The following SGCZ variants were observed in gnomAD, a reference collection of about 807,000 sequenced individuals.
SGCZ encodes zeta-sarcoglycan.
Under a neutral mutation model 41.3 loss-of-function variants are expected in SGCZ, and 40 were observed. That is an observed-to-expected ratio of 0.97 (90% confidence interval 0.75 to 1.26). The LOEUF (loss-of-function observed/expected upper bound fraction) is 1.26. Among genes scored for constraint, SGCZ ranks in the 50% most tolerant of loss-of-function variants. The pLI, the probability that SGCZ is intolerant of heterozygous loss-of-function variation, is 0.00. For synonymous variants in SGCZ, 206 were observed against 137.5 expected, an observed-to-expected ratio of 1.50 and a Z score of -3.49; for missense variants, 552 against 369.8, an observed-to-expected ratio of 1.49 and a Z score of -4.04.
intron 2 of SGCZ, among the ~76,000 whole-genome samples, chr8:14,437,895 G>A (rs955797721): frequency 6.6e-6 from 1 of 151,726 alleles, no homozygotes; most frequent in Admixed American, 6.6e-5. Context: ...AAAAATCACT[G>A]ACCTATTTCA....
intron 1 of SGCZ, among the ~76,000 whole-genome samples, chr8:14,633,653 A>G (rs1480896234): frequency 6.6e-6 from 1 of 151,826 alleles, no homozygotes; most frequent in African/African-American, 2.4e-5. Context: ...GTCATAACAG[A>G]TCTTCTTACT....
At chr8:14,613,179 G>T (rs1805986017) in intron 1 of SGCZ, among the ~76,000 whole-genome samples, 1 of 152,106 alleles carries the variant, frequency 6.6e-6, no homozygotes, top group Non-Finnish European at 1.5e-5. Context: ...GAGCCTTGGA[G>T]GACCTAAATG....
intron 1 of SGCZ, among the ~76,000 whole-genome samples, chr8:14,627,829 G>C (rs1364682895): frequency 1.3e-5 from 2 of 151,986 alleles, no homozygotes; most frequent in African/African-American, 4.8e-5. Context: ...GAAAGGCTCT[G>C]ACGTTAACCT....
chr8:14,509,848 A>G (rs1468484441), intron 2 of SGCZ, among the ~76,000 whole-genome samples: 1 of 152,124 alleles, frequency 6.6e-6, no homozygotes, highest in Non-Finnish European at 1.5e-5. Flanking sequence ...AGAGGGGCAA[A>G]GTGGGGAAGA....
chr8:14,665,240 C>A (rs1807872291), intron 1 of SGCZ, among the ~76,000 whole-genome samples: 2 of 152,070 alleles, frequency 1.3e-5, no homozygotes, highest in African/African-American at 4.8e-5. Context: ...TCAATTCCCA[C>A]CTATGAGTGA....
intron 1 of SGCZ, among the ~76,000 whole-genome samples, chr8:15,221,389 G>A (rs1801596422): frequency 1.3e-5 from 2 of 152,112 alleles, no homozygotes. Flanking sequence ...AGAAAGAACA[G>A]AACTCTTTCT....
At chr8:15,005,628 G>A (rs1262909988) in intron 1 of SGCZ, among the ~76,000 whole-genome samples, 2 of 131,238 alleles carry the variant, frequency 1.5e-5, no homozygotes, top group Non-Finnish European at 3.3e-5. Context: ...CACTGCACCC[G>A]GCAATCCCCC....
intron 5 of SGCZ, among the ~76,000 whole-genome samples, chr8:14,151,230 T>C (rs1393532123): frequency 2.0e-5 from 3 of 152,136 alleles, no homozygotes; most frequent in Non-Finnish European, 4.4e-5. Flanking sequence ...TACTCCATTC[T>C]CCATGATGTA....
intron 2 of SGCZ, among the ~76,000 whole-genome samples, chr8:14,374,976 T>G (rs1274538878): frequency 6.6e-6 from 1 of 152,158 alleles, no homozygotes; most frequent in African/African-American, 2.4e-5. Context: ...ATGTAAGGTT[T>G]CAGGTTTTGG....
chr8:14,801,591 G>T (rs555240622), intron 1 of SGCZ, among the ~76,000 whole-genome samples: 2 of 152,208 alleles, frequency 1.3e-5, no homozygotes, highest in African/African-American at 4.8e-5. Context: ...GGTAAGAACG[G>T]ACAGAGATCA....
intron 3 of SGCZ, among the ~76,000 whole-genome samples, chr8:14,257,741 T>C (rs1799515850): frequency 6.6e-6 from 1 of 151,978 alleles, no homozygotes; most frequent in African/African-American, 2.4e-5. Flanking sequence ...TGTTTGGTTT[T>C]TTGTCCTTGC....
intron 3 of SGCZ, among the ~76,000 whole-genome samples, chr8:14,246,039 C>T (rs533811826): frequency 5.3e-5 from 8 of 152,116 alleles, no homozygotes; most frequent in East Asian, 1.9e-4. Flanking sequence ...GTCAGTGTGG[C>T]GATTCCTCAG....
At chr8:14,309,175 C>G (rs975079123) in intron 3 of SGCZ, 1 of 1,477,384 alleles carries the variant, frequency 6.8e-7, no homozygotes, top group African/African-American at 1.4e-5. Context: ...ACGAAAAAAG[C>G]AAAACTTGGC....
chr8:14,852,344 T>C (rs1349653598), intron 1 of SGCZ, among the ~76,000 whole-genome samples: 1 of 152,184 alleles, frequency 6.6e-6, no homozygotes, highest in Non-Finnish European at 1.5e-5. Context: ...AAATAATTTA[T>C]AGGACAAAAA....
intron 1 of SGCZ, among the ~76,000 whole-genome samples, chr8:14,615,203 A>C (rs1256543399): frequency 2.0e-5 from 3 of 152,188 alleles, no homozygotes; most frequent in Non-Finnish European, 2.9e-5. Context: ...TAACCTGTTG[A>C]CTCTGTACTT....
chr8:14,244,470 G>C (rs574485860), intron 3 of SGCZ, among the ~76,000 whole-genome samples: 2 of 152,160 alleles, frequency 1.3e-5, no homozygotes, highest in Non-Finnish European at 2.9e-5. Context: ...AAAAGTACCA[G>C]TACCATGCTG....
intron 1 of SGCZ, among the ~76,000 whole-genome samples, chr8:14,758,456 C>T (rs964717173): frequency 6.6e-6 from 1 of 152,078 alleles, no homozygotes; most frequent in Non-Finnish European, 1.5e-5. Context: ...TGGCATAAGA[C>T]AATTACTGTT....
At chr8:15,208,055 T>A (rs901652114) in intron 1 of SGCZ, among the ~76,000 whole-genome samples, 2 of 152,210 alleles carry the variant, frequency 1.3e-5, no homozygotes, top group African/African-American at 4.8e-5. Context: ...GTTTTATGTG[T>A]CTACTAAATA....
chr8:14,480,060 T>C (rs1331704484), intron 2 of SGCZ, among the ~76,000 whole-genome samples: 1 of 152,230 alleles, frequency 6.6e-6, no homozygotes, highest in Non-Finnish European at 1.5e-5. Flanking sequence ...TTCTCCTTTA[T>C]AGCTGTTTAT....
Sources: allele counts gnomAD v4.1 joint callset (sites outside exome capture counted in the v4.1 genomes callset), GRCh38; gene constraint gnomAD v4.1.1; transcripts MANE v1.5; gene names NCBI Gene and HGNC (gene_info 2026-07-23, HGNC 2026-07-21).